Variants in GABRG3 observed in about 807,000 individuals in gnomAD.
The protein encoded by GABRG3 is gamma-aminobutyric acid receptor subunit gamma-3.
GABRG3 carries 25 observed loss-of-function variants against 48.8 expected under a neutral mutation model. That is an observed-to-expected ratio of 0.51 (90% CI 0.37 to 0.72). The LOEUF (loss-of-function observed/expected upper bound fraction) is 0.72, where lower values mean the gene tolerates loss of function less well. GABRG3 is among the 30% of genes least tolerant of loss of function. The pLI, the probability that GABRG3 is intolerant of heterozygous loss-of-function variation, is 0.00. For synonymous variants in GABRG3, 227 were observed against 217.6 expected (o/e 1.04, Z -0.38); for missense variants, 394 against 577.9 (o/e 0.68, Z 3.26).
chr15:27,163,048 G>A (rs1009751061), intron 3 of GABRG3, among the ~76,000 whole-genome samples: 1 of 151,768 alleles, frequency 6.6e-6, no homozygotes, highest in Admixed American at 6.6e-5. Flanking sequence ...TCTTGCCCTC[G>A]CCAGTCTCAG....
chr15:27,083,198 G>T (rs1001800838), intron 3 of GABRG3, among the ~76,000 whole-genome samples: 2 of 152,126 alleles, frequency 1.3e-5, no homozygotes, highest in Non-Finnish European at 2.9e-5. Flanking sequence ...AATGATACTT[G>T]CAGACAAGCA....
At chr15:27,107,944 GTCT>G (rs1235005448) in intron 3 of GABRG3, among the ~76,000 whole-genome samples, 1 of 150,740 alleles carries the variant, frequency 6.6e-6, no homozygotes, top group Non-Finnish European at 1.5e-5. Context: ...GATAATTTGT[GTCT>G]TCTTCATTTT....
At chr15:27,242,929 AAGCTCTTAGGACAT>A (rs780561035) in intron 3 of GABRG3, among the ~76,000 whole-genome samples, 4 of 152,240 alleles carry the variant, frequency 2.6e-5, no homozygotes, top group Non-Finnish European at 4.4e-5. Flanking sequence ...GAATGAATTG[AAGCTCTTAGGACAT>A]ATTTAATTTA....
intron 3 of GABRG3, among the ~76,000 whole-genome samples, chr15:27,116,666 A>G (rs1897646543): frequency 6.6e-6 from 1 of 152,210 alleles, no homozygotes; most frequent in South Asian, 2.1e-4. Flanking sequence ...CTTAATCTCC[A>G]ATGCAATAGT....
chr15:27,154,085 T>C (rs532155676), intron 3 of GABRG3, among the ~76,000 whole-genome samples: 10 of 152,180 alleles, frequency 6.6e-5, no homozygotes, highest in Non-Finnish European at 1.5e-4. Context: ...AAATTCTTTA[T>C]TTTTGCCTCC....
At chr15:27,087,226 G>C (rs908613548) in intron 3 of GABRG3, among the ~76,000 whole-genome samples, 1 of 152,148 alleles carries the variant, frequency 6.6e-6, no homozygotes, top group African/African-American at 2.4e-5. Context: ...AGGTGCAGCG[G>C]GCATGTCTAT....
intron 3 of GABRG3, among the ~76,000 whole-genome samples, chr15:27,241,393 T>TA (rs1269880334): frequency 2.6e-5 from 4 of 152,230 alleles, no homozygotes; most frequent in Non-Finnish European, 5.9e-5. Context: ...CTAGAACTGT[T>TA]ATACAAACCA....
intron 3 of GABRG3, among the ~76,000 whole-genome samples, chr15:27,147,570 A>G (rs1258268609): frequency 6.6e-6 from 1 of 152,040 alleles, no homozygotes; most frequent in Non-Finnish European, 1.5e-5. Flanking sequence ...ATTGTGTATT[A>G]TGCCATTAAA....
chr15:27,096,817 ATTCTT>A (rs988560492), intron 3 of GABRG3, among the ~76,000 whole-genome samples: 10 of 145,222 alleles, frequency 6.9e-5, no homozygotes, highest in East Asian at 2.1e-4. Flanking sequence ...CACAAATGAG[ATTCTT>A]TTCTTTTCTT....
chr15:27,452,149 C>CG (rs1409231984), intron 5 of GABRG3, among the ~76,000 whole-genome samples: 3 of 152,132 alleles, frequency 2.0e-5, no homozygotes, highest in African/African-American at 7.2e-5. Context: ...CACTAATTGT[C>CG]GGGGAAATGC....
Position 27,350,498 on chromosome 15 carries a change from C to T in GABRG3, c.574+21610C>T, listed in dbSNP as rs142858181. ...AGAAGCCTTCTGTCCTCAGGGAGTT[C>T]GCAGTGCAGTTGCAGGTAGGACAGA... On this transcript the variant is annotated intron_variant, in intron 5 of 9. Transcript: ENST00000615808. 220 of 253,378 alleles carry T rather than the reference C, an allele frequency of 8.7e-4. 3 individuals are homozygous for T. Among genetic ancestry groups the T allele is most frequent in the African/African-American group, 4.4e-3 (199 of 44,792 alleles). The allele number at this position is 253,378 out of a possible 1,614,324, so 15.7% of individuals were successfully genotyped here. A position where few individuals can be genotyped will look rare whatever the true frequency, so the allele number is the denominator to read the frequency against.
chr15:27,407,250 A>ATAATTGGCT (rs1436144773), intron 5 of GABRG3, among the ~76,000 whole-genome samples: 1 of 152,168 alleles, frequency 6.6e-6, no homozygotes, highest in Non-Finnish European at 1.5e-5. Flanking sequence ...TATTAAAAAA[A>ATAATTGGCT]TAATTGGCTG....
chr15:27,416,531 C>T (rs192919707), intron 5 of GABRG3, among the ~76,000 whole-genome samples: 2 of 152,308 alleles, frequency 1.3e-5, no homozygotes, highest in East Asian at 3.9e-4. Context: ...CATGAGGGGC[C>T]TCCTATCTGA....
intron 6 of GABRG3, chr15:27,483,340 C>T (rs1890143719): frequency 6.6e-6 from 1 of 152,200 alleles, no homozygotes; most frequent in Admixed American, 6.5e-5. Flanking sequence ...ATTGTCTTCT[C>T]CCTGGAGGTG....
intron 3 of GABRG3, among the ~76,000 whole-genome samples, chr15:27,299,747 A>G (rs2140491990): frequency 6.6e-6 from 1 of 152,188 alleles, no homozygotes; most frequent in East Asian, 1.9e-4. Flanking sequence ...CTAGGACTGC[A>G]TGCTGGCTTT....
intron 6 of GABRG3, chr15:27,481,271 T>G (rs1175107664): frequency 2.1e-6 from 2 of 943,846 alleles, no homozygotes; most frequent in African/African-American, 3.6e-5. Flanking sequence ...TTTGATTTTA[T>G]GAAGTGATCA....
chr15:27,454,862 G>C (rs1889216841), intron 5 of GABRG3, among the ~76,000 whole-genome samples: 1 of 152,160 alleles, frequency 6.6e-6, no homozygotes, highest in Middle Eastern at 3.2e-3. Flanking sequence ...AACCCCCGCA[G>C]GAAGCAATAA....
At chr15:27,265,137 TC>T (rs1244390217) in intron 3 of GABRG3, among the ~76,000 whole-genome samples, 1 of 152,056 alleles carries the variant, frequency 6.6e-6, no homozygotes, top group Admixed American at 6.6e-5. Context: ...TTTACATCAA[TC>T]TAAAGCCCCT....
chr15:27,042,216 C>T (rs950680865), intron 3 of GABRG3, among the ~76,000 whole-genome samples: 3 of 152,138 alleles, frequency 2.0e-5, no homozygotes, highest in East Asian at 3.9e-4. Context: ...CAGAGAATTC[C>T]GGTTGAGAAG....
Sources: allele counts gnomAD v4.1 joint callset (sites outside exome capture counted in the v4.1 genomes callset), GRCh38; gene constraint gnomAD v4.1.1; transcripts MANE v1.5; gene names NCBI Gene and HGNC (gene_info 2026-07-23, HGNC 2026-07-21).